DUOXA2: variants seen among roughly 807,000 people sequenced by gnomAD.
DUOXA2 encodes the protein dual oxidase maturation factor 2.
A neutral mutation model predicts 27.6 loss-of-function variants in DUOXA2; 22 were observed. That is an observed-to-expected ratio of 0.80 (90% CI 0.57 to 1.14). The LOEUF (loss-of-function observed/expected upper bound fraction) is 1.14, where lower values mean the gene tolerates loss of function less well. Among genes scored for constraint, DUOXA2 ranks in the 50% most tolerant of loss-of-function variants. The pLI, the probability that DUOXA2 is intolerant of heterozygous loss-of-function variation, is 0.00. For synonymous variants in DUOXA2, 188 were observed against 184.4 expected (o/e 1.02, Z -0.16); for missense variants, 481 against 419.9 (o/e 1.15, Z -1.27).
chr15:45,116,601 C>T lies in DUOXA2; in HGVS notation c.426C>T (p.Tyr142=), dbSNP rs1595534133. The T allele has an allele frequency of 2.5e-6, 4 of 1,614,026 alleles. No homozygotes were observed. Among genetic ancestry groups the T allele is most frequent in the Non-Finnish European group, 3.4e-6 (4 of 1,180,054 alleles). ...WRLKENYAAE[Y]ANALEKGLPD... ...TGAAAGAGAATTACGCCGCGGAGTA[C>T]GCGAACGCACTGGAGAAGGGGCTGC... The change falls in exon 4 of 6, where the codon TAC becomes TAT. Residue 142 remains tyrosine (Y), a synonymous_variant. Coordinates refer to ENST00000323030, the MANE Select transcript of DUOXA2 (RefSeq NM_207581.4).
In DUOXA2 at chr15:45,117,345, A is replaced by G. The variant is rs373506799; in HGVS notation, c.769+40A>G. On this transcript the variant is annotated intron_variant, in intron 5 of 5. Coordinates refer to ENST00000323030, the MANE Select transcript of DUOXA2 (RefSeq NM_207581.4). ...AATGGGCCCCGGGGGCTAAGGGTGGAGACAGGATTCACACCGGGTGTGCAC... is the reference window on the plus strand; with the variant it reads ...AATGGGCCCCGGGGGCTAAGGGTGGGGACAGGATTCACACCGGGTGTGCAC... 2.7e-5 allele frequency: 41 copies of G among 1,542,660 alleles called. No homozygotes were observed. The African/African-American group carries it at 4.7e-4, about 18-fold the overall frequency.
intron 1 of DUOXA2, among the ~76,000 whole-genome samples, chr15:45,114,963 C>A (rs552257879): frequency 6.6e-6 from 1 of 152,262 alleles, no homozygotes; most frequent in Admixed American, 6.5e-5. Context: ...GAGAAGGACC[C>A]CAGCTGGGTC....
In DUOXA2 at chr15:45,116,482, G is replaced by A. The variant is rs202201713; in HGVS notation, c.341-34G>A. Reference sequence around the variant, plus strand: ...CCGCTTAGTTGCGAGGTCTCCGACCGCGGGCAGCCCCATGAGCCCGCCTCA... The same window carrying A: ...CCGCTTAGTTGCGAGGTCTCCGACCACGGGCAGCCCCATGAGCCCGCCTCA... On this transcript the variant is annotated intron_variant, in intron 3 of 5. Coordinates refer to ENST00000323030, the MANE Select transcript of DUOXA2 (RefSeq NM_207581.4). The A allele has an allele frequency of 3.8e-5, 62 of 1,610,756 alleles. No homozygotes were observed. The East Asian group carries it at 7.1e-4, about 19-fold the overall frequency.
At position 45,116,578 on chromosome 15, in the gene DUOXA2, A is replaced by C. The variant is rs1381124912; in HGVS notation, c.403A>C (p.Lys135Gln). ...CAACGAGCAGTTCACCTGGCGTCTG[A>C]AAGAGAATTACGCCGCGGAGTACGC... ...DYNEQFTWRLKENYAAEYANA... is the reference protein window; with the variant it reads ...DYNEQFTWRLQENYAAEYANA... The change falls in exon 4 of 6, where the codon AAA (lysine) becomes CAA (glutamine). Residue 135 changes from lysine to glutamine, a missense_variant. Coordinates refer to ENST00000323030, the MANE Select transcript of DUOXA2 (RefSeq NM_207581.4). The C allele has an allele frequency of 1.9e-6, 3 of 1,613,952 alleles. No individual in the cohort carries two copies. Among genetic ancestry groups the C allele is most frequent in the East Asian group, 2.2e-5 (1 of 44,886 alleles).
chr15:45,118,120 TAA>T lies in DUOXA2; in HGVS notation c.*212_*213del. ...GTTTTTTAAAAACTGTTTTTCCCATTAATTTTCATGGCTTCTCCGCGCCGGGG... is the reference window on the plus strand; with the variant it reads ...GTTTTTTAAAAACTGTTTTTCCCATTTTTTCATGGCTTCTCCGCGCCGGGG... On this transcript the variant is annotated 3_prime_UTR_variant, in exon 6 of 6. Coordinates refer to ENST00000323030, the MANE Select transcript of DUOXA2 (RefSeq NM_207581.4). 1.8e-5 allele frequency: 26 copies of T among 1,456,112 alleles called. No individual in the cohort carries two copies. The Admixed American group carries it at 1.9e-4, about 10-fold the overall frequency. 90.2% of individuals were successfully genotyped at this position (1,456,112 alleles called of 1,614,324 possible).
chr15:45,118,338 G>A lies in DUOXA2; in HGVS notation c.*429G>A, dbSNP rs1894826985. On this transcript the variant is annotated 3_prime_UTR_variant, in exon 6 of 6. Transcript: ENST00000323030. ...ACGTTAGGTGGCAGTGATGAGGCAG[G>A]TCACCCACTCCCCCGTCCTGGATGC... 1 of 1,192,680 alleles carries A rather than the reference G, an allele frequency of 8.4e-7. No individual in the cohort carries two copies. The highest frequency in any genetic ancestry group is 1.0e-6 in the Non-Finnish European group (1 of 960,328). The allele number at this position is 1,192,680 out of a possible 1,614,324, so 73.9% of individuals were successfully genotyped here. A position where few individuals can be genotyped will look rare whatever the true frequency, so the allele number is the denominator to read the frequency against.
chr15:45,116,194 A>T lies in DUOXA2; in HGVS notation c.276A>T (p.Ala92=), dbSNP rs1894621599. The change falls in exon 3 of 6, where the codon GCA becomes GCT. Residue 92 remains alanine, a synonymous_variant. Transcript: ENST00000323030. Reference sequence around the variant, plus strand: ...ACACATCCTACAAAGCCTTCAGCGCAGCGCGCGTTACAGCCCGTGTCCGTC... The same window carrying T: ...ACACATCCTACAAAGCCTTCAGCGCTGCGCGCGTTACAGCCCGTGTCCGTC... ...NTNTSYKAFS[A]ARVTARVRLL... 4 of 1,610,138 alleles carry T rather than the reference A, an allele frequency of 2.5e-6. No individual in the cohort carries two copies. In the South Asian group the frequency reaches 4.4e-5, roughly 18 times the overall value.
intron 5 of DUOXA2, 21 bp downstream of exon 5, chr15:45,117,326 C>T (rs1894702931): frequency 6.4e-7 from 1 of 1,569,610 alleles, no homozygotes; most frequent in Non-Finnish European, 8.7e-7. Flanking sequence ...AGAGAATGGG[C>T]CCCGGGGGCT....
chr15:45,114,677 G>A lies in DUOXA2; in HGVS notation c.72G>A (p.Leu24=). The A allele has an allele frequency of 6.2e-7, 1 of 1,614,218 alleles. No homozygotes were observed. Among genetic ancestry groups the A allele is most frequent in the Admixed American group, 1.7e-5 (1 of 60,028 alleles). ...ATGCCGCAGGCTTCAGCGTTCCACT[G>A]CTCATCGTTATTCTAGTGTTTTTGG... is the stretch of plus-strand genomic sequence containing the variant. ...PRHAAGFSVP[L]LIVILVFLAL... is the part of the protein sequence containing the mutation. Residue 24 remains leucine (L), a synonymous_variant, in exon 1 of 6, where the codon CTG becomes CTA. Transcript: ENST00000323030.
chr15:45,114,737 G>T lies in DUOXA2; in HGVS notation c.132G>T (p.Gly44=), dbSNP rs748981749. The change falls in exon 1 of 6, where the codon GGG becomes GGT. Residue 44 remains glycine, a synonymous_variant. Coordinates refer to ENST00000323030, the MANE Select transcript of DUOXA2 (RefSeq NM_207581.4). Reference sequence around the variant, plus strand: ...CAAGCTTCCTGCTCATCTTGCCGGGGATCCGTGGCCACTCGGTAAGGGTGT... The same window carrying T: ...CAAGCTTCCTGCTCATCTTGCCGGGTATCCGTGGCCACTCGGTAAGGGTGT... ...LAASFLLILP[G]IRGHSRWFWL... The T allele has an allele frequency of 6.2e-7, 1 of 1,614,120 alleles. No individual in the cohort carries two copies. Among genetic ancestry groups the T allele is most frequent in the Non-Finnish European group, 8.5e-7 (1 of 1,180,054 alleles).
chr15:45,115,474 C>A (rs1303366242), intron 1 of DUOXA2: 1 of 552,180 alleles, frequency 1.8e-6, no homozygotes. Flanking sequence ...TGAGCCTCAC[C>A]AAGCAGTGAC....
intron 1 of DUOXA2, among the ~76,000 whole-genome samples, chr15:45,114,962 C>T (rs1842478704): frequency 6.6e-6 from 1 of 152,142 alleles, no homozygotes; most frequent in African/African-American, 2.4e-5. Flanking sequence ...GGAGAAGGAC[C>T]CCAGCTGGGT....
chr15:45,118,311 G>A lies in DUOXA2; in HGVS notation c.*402G>A. On this transcript the variant is annotated 3_prime_UTR_variant, in exon 6 of 6. Transcript: ENST00000323030. ...AGCATCTTTCTGAACCACCCCAGGGGGACGTTAGGTGGCAGTGATGAGGCA... is the reference window on the plus strand; with the variant it reads ...AGCATCTTTCTGAACCACCCCAGGGAGACGTTAGGTGGCAGTGATGAGGCA... The A allele has an allele frequency of 2.4e-6, 3 of 1,255,318 alleles. No homozygotes were observed. The highest frequency in any genetic ancestry group is 2.0e-6 in the Non-Finnish European group (2 of 999,470). 77.8% of individuals were successfully genotyped at this position (1,255,318 alleles called of 1,614,324 possible).
In DUOXA2 at chr15:45,117,849, C is replaced by G; in HGVS notation, c.903C>G (p.Gly301=). ...GAGGGGGCTCACCTCTTATCCTCGG[C>G]GACCCACTGCACAAGCAGGCCGCTC... The part of the protein sequence containing the change: ...QERGGSPLIL[G]DPLHKQAALP... Residue 301 remains glycine (G), a synonymous_variant, in exon 6 of 6, where the codon GGC becomes GGG. Coordinates refer to ENST00000323030, the MANE Select transcript of DUOXA2 (RefSeq NM_207581.4). 6.2e-7 allele frequency: 1 copy of G among 1,613,720 alleles called. No individual in the cohort carries two copies. The highest frequency in any genetic ancestry group is 8.5e-7 in the Non-Finnish European group (1 of 1,180,030).
rs187290 is a variant in DUOXA2 at position 45,114,520 on chromosome 15, C to T, written c.-86C>T. On this transcript the variant is annotated 5_prime_UTR_variant, in exon 1 of 6. Coordinates refer to ENST00000323030, the MANE Select transcript of DUOXA2 (RefSeq NM_207581.4). ...TCCCAGCCTTGTACGCAAAGAGACG[C>T]CAAGGACGCGCTCTCCCGCGTCCAG... 153,314 of 1,574,710 alleles carry T rather than the reference C, an allele frequency of 0.097. 8,654 individuals carry two copies. The highest frequency in any genetic ancestry group is 0.12 in the Non-Finnish European group (134,011 of 1,160,712).
chr15:45,116,860 C>T (rs1332337143), intron 4 of DUOXA2, 131 bp downstream of exon 4: 4 of 1,209,256 alleles, frequency 3.3e-6, no homozygotes, highest in African/African-American at 1.5e-5. Flanking sequence ...GTGGGCATGA[C>T]AGCCTCGCGG....
intron 1 of DUOXA2, chr15:45,115,416 C>A (rs182822763): frequency 2.0e-6 from 1 of 488,092 alleles, no homozygotes; most frequent in Non-Finnish European, 4.0e-6. Flanking sequence ...TGGGGCCTCC[C>A]TCTTCTGAGG....
rs755775190 is a variant in DUOXA2, at chr15:45,117,850, G to A, written c.904G>A (p.Asp302Asn). 6.8e-6 allele frequency: 11 copies of A among 1,613,696 alleles called. No homozygotes were observed. Among genetic ancestry groups the A allele is most frequent in the East Asian group, 2.2e-5 (1 of 44,878 alleles). ...AGGGGGCTCACCTCTTATCCTCGGC[G>A]ACCCACTGCACAAGCAGGCCGCTCT... ...ERGGSPLILG[D>N]PLHKQAALPD... Residue 302 changes from aspartate (D) to asparagine (N), a missense_variant, in exon 6 of 6, where the codon GAC (aspartate) becomes AAC (asparagine). By Grantham distance (23) the Asp-to-Asn change is conservative (BLOSUM62 1). Transcript: ENST00000323030.
At chr15:45,116,480 C>A in intron 3 of DUOXA2, 36 bp from the exon 4 acceptor site, 1 of 1,611,042 alleles carries the variant, frequency 6.2e-7, no homozygotes, top group African/African-American at 1.3e-5. Context: ...AGGTCTCCGA[C>A]CGCGGGCAGC....
Sources: gnomAD v4.1 joint callset for allele counts (sites outside exome capture counted in the v4.1 genomes callset) on GRCh38, gnomAD v4.1.1 for gene constraint, MANE v1.5 for transcripts, NCBI Gene and HGNC (gene_info 2026-07-23, HGNC 2026-07-21) for gene names.